SLC9A9: variants seen among roughly 807,000 people sequenced by gnomAD.
SLC9A9 encodes sodium/hydrogen exchanger 9.
In SLC9A9, 62 loss-of-function variants were observed where a neutral mutation model predicts 77.8. That is an observed-to-expected ratio of 0.80 (90% CI 0.65 to 0.98). The LOEUF (loss-of-function observed/expected upper bound fraction) is 0.98, where lower values mean the gene tolerates loss of function less well. Among genes scored for constraint, SLC9A9 ranks in the 50% least tolerant of loss-of-function variants. The probability of loss-of-function intolerance (pLI) is 0.00; values close to 1 mark genes in which losing one functional copy is unlikely to be tolerated. For synonymous variants in SLC9A9, 320 were observed against 283.5 expected, an observed-to-expected ratio of 1.13 and a Z score of -1.29; for missense variants, 775 against 774.9, an observed-to-expected ratio of 1.00 and a Z score of 0.00.
At chr3:143,788,339 C>T (rs1279374449) in intron 4 of SLC9A9, among the ~76,000 whole-genome samples, 2 of 152,094 alleles carry the variant, frequency 1.3e-5, no homozygotes, top group Non-Finnish European at 2.9e-5. Flanking sequence ...TCCAACCACA[C>T]AGGAAAATAT....
rs907582008 is a variant in SLC9A9 at position 143,466,934 on chromosome 3, G to C, written c.1469+103C>G. 5.4e-5 allele frequency: 76 copies of C among 1,420,342 alleles called. No homozygotes were observed. The African/African-American group carries it at 8.1e-4, about 15-fold the overall frequency. The allele number at this position is 1,420,342 out of a possible 1,614,324, so 88.0% of individuals were successfully genotyped here. A position where few individuals can be genotyped will look rare whatever the true frequency, so the allele number is the denominator to read the frequency against. On this transcript the variant is annotated intron_variant, in intron 12 of 15. Coordinates refer to ENST00000316549, the MANE Select transcript of SLC9A9 (RefSeq NM_173653.4). ...TCAACTTGACTGCTGGGAAAGTTAG[G>C]GTAGGACCTGCCACTGTACTATTGA...
intron 6 of SLC9A9, among the ~76,000 whole-genome samples, chr3:143,581,702 G>A (rs755513099): frequency 7.5e-4 from 115 of 152,342 alleles, no homozygotes; most frequent in Non-Finnish European, 3.7e-4. Flanking sequence ...GGATAGTTGA[G>A]TGACAGTGTG....
chr3:143,575,834 G>C (rs1265296385), intron 7 of SLC9A9, among the ~76,000 whole-genome samples: 1 of 152,188 alleles, frequency 6.6e-6, no homozygotes, highest in Non-Finnish European at 1.5e-5. Flanking sequence ...GACAGCCTCA[G>C]AATGAAATGG....
chr3:143,560,281 G>A (rs147502103), intron 8 of SLC9A9, among the ~76,000 whole-genome samples: 2,079 of 152,198 alleles, frequency 0.014, 27 homozygotes, highest in Non-Finnish European at 0.021. Flanking sequence ...TCTCCCTAAC[G>A]GTCTGGGTCT....
At chr3:143,329,831 C>T (rs765171331) in intron 14 of SLC9A9, among the ~76,000 whole-genome samples, 3 of 152,286 alleles carry the variant, frequency 2.0e-5, no homozygotes, top group Admixed American at 6.5e-5. Flanking sequence ...ACAGCAGCCC[C>T]GCTCCTGCCC....
chr3:143,840,379 T>G (rs2009677788), intron 1 of SLC9A9, among the ~76,000 whole-genome samples: 1 of 152,164 alleles, frequency 6.6e-6, no homozygotes, highest in Non-Finnish European at 1.5e-5. Flanking sequence ...TTCCAAAAAT[T>G]AAATTCAGTT....
intron 13 of SLC9A9, among the ~76,000 whole-genome samples, chr3:143,373,412 G>T (rs1313072554): frequency 6.6e-6 from 1 of 151,966 alleles, no homozygotes; most frequent in Non-Finnish European, 1.5e-5. Context: ...GGTGTGTAAA[G>T]GCATACAGAG....
intron 4 of SLC9A9, among the ~76,000 whole-genome samples, chr3:143,735,069 T>C (rs1291489321): frequency 6.6e-6 from 1 of 152,222 alleles, no homozygotes; most frequent in East Asian, 1.9e-4. Flanking sequence ...CCGACTCCTC[T>C]GGGACACAGA....
At chr3:143,752,120 CCA>C (rs1477395559) in intron 4 of SLC9A9, among the ~76,000 whole-genome samples, 1 of 152,158 alleles carries the variant, frequency 6.6e-6, no homozygotes, top group Non-Finnish European at 1.5e-5. Context: ...TTAAAATAAA[CCA>C]CAGAGTTCTC....
chr3:143,845,949 CAT>C (rs768602431), intron 1 of SLC9A9, among the ~76,000 whole-genome samples: 10 of 152,176 alleles, frequency 6.6e-5, no homozygotes, highest in Non-Finnish European at 1.0e-4. Flanking sequence ...TAATTCCACT[CAT>C]AAACTTTAAG....
chr3:143,673,275 A>G (rs191754382), intron 5 of SLC9A9, among the ~76,000 whole-genome samples: 1 of 152,274 alleles, frequency 6.6e-6, no homozygotes, highest in African/African-American at 2.4e-5. Flanking sequence ...GAATTCATAC[A>G]GGGAAAACCC....
At chr3:143,508,768 A>G (rs2036069178) in intron 9 of SLC9A9, among the ~76,000 whole-genome samples, 1 of 152,218 alleles carries the variant, frequency 6.6e-6, no homozygotes, top group Admixed American at 6.5e-5. Context: ...TCATTGCTCA[A>G]CTTTTCCTTT....
rs2036228464 is a variant in SLC9A9 at position 143,517,676 on chromosome 3, T to A, written c.1090-22228A>T. The A allele has an allele frequency of 1.9e-6, 3 of 1,597,544 alleles. No individual in the cohort carries two copies. In the Admixed American group the frequency reaches 5.0e-5, roughly 27 times the overall value. ...TCTGTGTGCTTTCGCCCGCCACTTG[T>A]AAGGCTGAGCTGAATCAGGATTTAT... On this transcript the variant is annotated intron_variant, in intron 9 of 15. Coordinates refer to ENST00000316549, the MANE Select transcript of SLC9A9 (RefSeq NM_173653.4).
At chr3:143,443,980 A>G (rs1241086013) in intron 12 of SLC9A9, among the ~76,000 whole-genome samples, 1 of 152,104 alleles carries the variant, frequency 6.6e-6, no homozygotes, top group East Asian at 1.9e-4. Context: ...GGGTTTCCTG[A>G]CTGGATAAGT....
rs2034855995 is a variant in SLC9A9 at position 143,446,894 on chromosome 3, G to GTGTA, written c.1469+20142_1469+20143insTACA. Among the ~76,000 whole-genome samples, 3 of 152,166 alleles carry GTGTA rather than the reference G, an allele frequency of 2.0e-5. No homozygotes were observed. The South Asian group carries it at 6.2e-4, about 32-fold the overall frequency. ...GGTGTGTATGTGTGTGTGTGTGTGT[G>GTGTA]TGTGCATGCACACATGTGTGCACAC... On this transcript the variant is annotated intron_variant, in intron 12 of 15. Transcript: ENST00000316549.
At chr3:143,291,371 C>A (rs1211272224) in intron 14 of SLC9A9, among the ~76,000 whole-genome samples, 1 of 152,186 alleles carries the variant, frequency 6.6e-6, no homozygotes, top group Non-Finnish European at 1.5e-5. Context: ...CCTTTCCGGC[C>A]TCAAAGGAGA....
At chr3:143,340,699 C>T (rs2032072563) in intron 14 of SLC9A9, among the ~76,000 whole-genome samples, 1 of 152,134 alleles carries the variant, frequency 6.6e-6, no homozygotes, top group African/African-American at 2.4e-5. Context: ...TTGCCCTTAC[C>T]ATATTCATCA....
chr3:143,515,250 T>A (rs1296022364), intron 9 of SLC9A9, among the ~76,000 whole-genome samples: 1 of 152,152 alleles, frequency 6.6e-6, no homozygotes, highest in Non-Finnish European at 1.5e-5. Flanking sequence ...AATAGTGACA[T>A]CAAACGTTGT....
chr3:143,519,485 A>G (rs2036260284), intron 9 of SLC9A9, among the ~76,000 whole-genome samples: 1 of 152,154 alleles, frequency 6.6e-6, no homozygotes, highest in African/African-American at 2.4e-5. Context: ...GAACCAGGTG[A>G]CCTAGGAATG....
Sources: gnomAD v4.1 joint callset for allele counts (sites outside exome capture counted in the v4.1 genomes callset) on GRCh38, gnomAD v4.1.1 for gene constraint, MANE v1.5 for transcripts, NCBI Gene and HGNC (gene_info 2026-07-23, HGNC 2026-07-21) for gene names.